The following IPCEF1 variants were observed in gnomAD, a reference collection of about 807,000 sequenced individuals.
IPCEF1 encodes the protein interaction protein for cytohesin exchange factors 1.
In IPCEF1, 31 loss-of-function variants were observed where a neutral mutation model predicts 50.9. The observed-to-expected ratio is 0.61, with a 90% CI of 0.46 to 0.82. IPCEF1 has a LOEUF of 0.82. Ranked by LOEUF, IPCEF1 falls within the 40% of genes least tolerant of loss-of-function variation. The pLI, the probability that IPCEF1 is intolerant of heterozygous loss-of-function variation, is 0.00. For synonymous variants in IPCEF1, 181 were observed against 192.0 expected, an observed-to-expected ratio of 0.94 and a Z score of 0.47; for missense variants, 458 against 514.0, an observed-to-expected ratio of 0.89 and a Z score of 1.05.
chr6:154,285,657 T>C (rs964055281), intron 2 of IPCEF1, among the ~76,000 whole-genome samples: 1 of 152,228 alleles, frequency 6.6e-6, no homozygotes, highest in African/African-American at 2.4e-5. Context: ...GTTCACATTG[T>C]TATATTTTGC....
chr6:154,262,287 G>A (rs1781620609), intron 3 of IPCEF1, among the ~76,000 whole-genome samples: 2 of 152,350 alleles, frequency 1.3e-5, no homozygotes, highest in African/African-American at 2.4e-5. Flanking sequence ...AAGACCAAGG[G>A]AAACAGGTTA....
rs67830808 is a variant in IPCEF1, at chr6:154,256,568, C to CGT, written c.37-9082_37-9081dup. On this transcript the variant is annotated intron_variant, in intron 3 of 11. Coordinates refer to ENST00000367220, the MANE Select transcript of IPCEF1 (RefSeq NM_001130700.2). ...CTCTCTCTCTCTCTCTCTCTCTGTG[C>CGT]GTGTGTGTGTGTGTGTGTCTCTCTC... 1.9e-4 allele frequency among the ~76,000 whole-genome samples: 28 copies of CGT among 147,694 alleles called. 1 individual carries two copies. Among genetic ancestry groups the CGT allele is most frequent in the South Asian group, 1.1e-3 (5 of 4,642 alleles).
chr6:154,299,820 T>G lies in IPCEF1; in HGVS notation c.-61-10064A>C, dbSNP rs1782747897. Among the ~76,000 whole-genome samples, 3 of 137,202 alleles carry G rather than the reference T, an allele frequency of 2.2e-5. 1 individual carries two copies. The highest frequency in any genetic ancestry group is 4.9e-5 in the Non-Finnish European group (3 of 61,494). 90.0% of individuals were successfully genotyped at this position (137,202 alleles called of 152,430 possible). A position where few individuals can be genotyped will look rare whatever the true frequency, so the allele number is the denominator to read the frequency against. ...ATAGAGGGATGGATAAAAGGACTGA[T>G]AAGCAATAAAGCAAATACCATAAAA... On this transcript the variant is annotated intron_variant, in intron 1 of 11. Transcript: ENST00000367220.
chr6:154,331,814 A>G (rs970038417), intron 1 of IPCEF1, among the ~76,000 whole-genome samples: 9 of 152,118 alleles, frequency 5.9e-5, no homozygotes, highest in African/African-American at 1.9e-4. Context: ...CTGAAAGGCC[A>G]CTGTGGGTGA....
At chr6:154,327,109 A>G (rs1783540460) in intron 1 of IPCEF1, among the ~76,000 whole-genome samples, 1 of 152,282 alleles carries the variant, frequency 6.6e-6, no homozygotes, top group South Asian at 2.1e-4. Flanking sequence ...AACCATAAAA[A>G]CCCTAGAAGA....
chr6:154,218,172 G>C (rs1188676767), intron 7 of IPCEF1, among the ~76,000 whole-genome samples: 3 of 152,172 alleles, frequency 2.0e-5, no homozygotes, highest in Non-Finnish European at 4.4e-5. Context: ...TTACATAAAA[G>C]AAAATGACAG....
intron 1 of IPCEF1, among the ~76,000 whole-genome samples, chr6:154,321,012 C>A (rs938687225): frequency 6.6e-6 from 1 of 152,020 alleles, no homozygotes; most frequent in East Asian, 1.9e-4. Flanking sequence ...GGCTCACTAG[C>A]CTTGACCTCC....
At chr6:154,333,629 T>TGTATACATATATAC (rs1322535246) in intron 1 of IPCEF1, among the ~76,000 whole-genome samples, 2 of 151,520 alleles carry the variant, frequency 1.3e-5, no homozygotes, top group Non-Finnish European at 2.9e-5. Flanking sequence ...TATACGTACA[T>TGTATACATATATAC]ATGTATACAA....
At chr6:154,186,470 A>T (rs1240360320) in intron 10 of IPCEF1, among the ~76,000 whole-genome samples, 2 of 152,222 alleles carry the variant, frequency 1.3e-5, no homozygotes, top group Non-Finnish European at 2.9e-5. Flanking sequence ...ACCTGAACAC[A>T]GGCAGCAGCC....
At chr6:154,331,401 AAGAAAG>A (rs1370550990) in intron 1 of IPCEF1, among the ~76,000 whole-genome samples, 14 of 128,012 alleles carry the variant, frequency 1.1e-4, no homozygotes, top group Admixed American at 3.1e-4. Context: ...GAAAGAAAGA[AAGAAAG>A]AGAGAGAAAA....
chr6:154,334,550 G>C (rs1217898611), intron 1 of IPCEF1, among the ~76,000 whole-genome samples: 2 of 152,224 alleles, frequency 1.3e-5, no homozygotes, highest in African/African-American at 2.4e-5. Flanking sequence ...AGGCTGGGAG[G>C]CACGAAGGAG....
intron 9 of IPCEF1, among the ~76,000 whole-genome samples, chr6:154,200,665 G>A (rs1481377166): frequency 2.0e-5 from 3 of 152,120 alleles, no homozygotes; most frequent in Admixed American, 6.5e-5. Flanking sequence ...AGATTGCAGC[G>A]AGCTAAGATC....
At chr6:154,296,825 T>C (rs1583960457) in intron 1 of IPCEF1, among the ~76,000 whole-genome samples, 2 of 130,058 alleles carry the variant, frequency 1.5e-5, no homozygotes, top group East Asian at 4.7e-4. Context: ...AGAGACTCCG[T>C]CTCAAAAAAA....
In IPCEF1 at chr6:154,321,778, TAAAAAAAAAAAAAAAAAA is replaced by T. The variant is rs61648946; in HGVS notation, c.-61-32040_-61-32023del. The stretch of plus-strand genomic sequence containing the variant: ...CTGGGTGACAGAGAGAGACTCTTTC[TAAAAAAAAAAAAAAAAAA>T]AAAAAAAAAACCAAGGAACCTTACA... On this transcript the variant is annotated intron_variant, in intron 1 of 11. Transcript: ENST00000367220. Among the ~76,000 whole-genome samples, 32 of 51,932 alleles carry T rather than the reference TAAAAAAAAAAAAAAAAAA, an allele frequency of 6.2e-4. No homozygotes were observed. The South Asian group carries it at 7.6e-3, about 12-fold the overall frequency. The allele number at this position is 51,932 out of a possible 152,430, so 34.1% of individuals were successfully genotyped here. A position where few individuals can be genotyped will look rare whatever the true frequency, so the allele number is the denominator to read the frequency against.
At chr6:154,247,906 G>A (rs935125333) in intron 3 of IPCEF1, among the ~76,000 whole-genome samples, 5 of 152,182 alleles carry the variant, frequency 3.3e-5, no homozygotes, top group Admixed American at 3.3e-4. Flanking sequence ...AAACCTGGAA[G>A]ATAATTGTTA....
At chr6:154,330,676 A>G (rs1783638001) in intron 1 of IPCEF1, among the ~76,000 whole-genome samples, 1 of 152,170 alleles carries the variant, frequency 6.6e-6, no homozygotes, top group African/African-American at 2.4e-5. Context: ...ATGCAAATTT[A>G]AAACCAATCC....
intron 10 of IPCEF1, among the ~76,000 whole-genome samples, chr6:154,188,892 G>T (rs528363467): frequency 6.6e-6 from 1 of 152,054 alleles, no homozygotes; most frequent in South Asian, 2.1e-4. Flanking sequence ...AAATATGGAA[G>T]AATATCTTTA....
intron 10 of IPCEF1, among the ~76,000 whole-genome samples, chr6:154,187,641 C>T (rs146771034): frequency 1.6e-3 from 238 of 152,290 alleles, no homozygotes; most frequent in African/African-American, 5.5e-3. Context: ...TGGCTTGGCT[C>T]ACATCATGTC....
chr6:154,191,054 T>A (rs919891147), intron 10 of IPCEF1, among the ~76,000 whole-genome samples: 1 of 151,740 alleles, frequency 6.6e-6, no homozygotes, highest in African/African-American at 2.4e-5. Context: ...AGACTCCATC[T>A]CAAAAAAAGA....
Sources: allele counts gnomAD v4.1 joint callset (sites outside exome capture counted in the v4.1 genomes callset), GRCh38; gene constraint gnomAD v4.1.1; transcripts MANE v1.5; gene names NCBI Gene and HGNC (gene_info 2026-07-23, HGNC 2026-07-21).